RCBTB2: variants seen among roughly 807,000 people sequenced by gnomAD.
RCBTB2 encodes the protein RCC1 and BTB domain containing protein 2, also known as RCC1 and BTB domain-containing protein 2.
A neutral mutation model predicts 65.4 loss-of-function variants in RCBTB2; 55 were observed. The observed-to-expected ratio is 0.84, with a 90% CI of 0.68 to 1.05. RCBTB2 has a LOEUF of 1.05. RCBTB2 is among the 50% of genes least tolerant of loss of function. The pLI is 0.00. For missense variants in RCBTB2, 599 were observed against 680.1 expected, an observed-to-expected ratio of 0.88 and a Z score of 1.33; for synonymous variants, 220 against 255.2, an observed-to-expected ratio of 0.86 and a Z score of 1.31.
rs776265220 is a variant in RCBTB2, at chr13:48,499,628, C to T, written c.1377G>A (p.Glu459=). ...YTDSISLSPE[E]AVGLLDLATF... is the part of the protein sequence containing the mutation. ...GAAGTCTTTGGCAATTACCTACTGC[C>T]TCCTCAGGAGAAAGGCTGATGCTGT... The change falls in exon 13 of 15, where the codon GAG becomes GAA. Residue 459 remains glutamate, a synonymous_variant. Transcript: ENST00000344532. 6.2e-7 allele frequency: 1 copy of T among 1,613,958 alleles called. No individual in the cohort carries two copies. The highest frequency in any genetic ancestry group is 8.5e-7 in the Non-Finnish European group (1 of 1,179,956).
upstream of RCBTB2, among the ~76,000 whole-genome samples, chr13:48,533,531 C>A (rs1006871863): frequency 6.6e-6 from 1 of 152,178 alleles, no homozygotes; most frequent in Non-Finnish European, 1.5e-5. Context: ...CCGATCACTT[C>A]ACGTTTTCAC....
intron 3 of RCBTB2, 87 bp from the exon 4 acceptor site, chr13:48,522,049 G>T: frequency 8.9e-7 from 1 of 1,127,172 alleles, no homozygotes; most frequent in Non-Finnish European, 1.3e-6. Context: ...TAATTAGCAG[G>T]GAAAATAAGC....
At chr13:48,518,329 A>G in intron 4 of RCBTB2, among the ~76,000 whole-genome samples, 1 of 151,890 alleles carries the variant, frequency 6.6e-6, no homozygotes. Flanking sequence ...TGCCACTTGG[A>G]TCATAAGACC....
chr13:48,490,338 C>T (rs1365546525), intron 14 of RCBTB2, 87 bp from the exon 15 acceptor site: 1 of 1,204,664 alleles, frequency 8.3e-7, no homozygotes, highest in East Asian at 2.4e-5. Context: ...ACAAGTTAGG[C>T]AAAGAAAAAG....
At chr13:48,517,821 C>T (rs1951177039) in intron 4 of RCBTB2, among the ~76,000 whole-genome samples, 1 of 152,120 alleles carries the variant, frequency 6.6e-6, no homozygotes, top group Non-Finnish European at 1.5e-5. Context: ...TCCAAATCCA[C>T]CTAGAACCTC....
At chr13:48,502,605 C>A in intron 11 of RCBTB2, 119 bp downstream of exon 11, 1 of 977,194 alleles carries the variant, frequency 1.0e-6, no homozygotes. Context: ...TTGTAGAAGC[C>A]CATCAGAGAG....
At chr13:48,508,522 GC>G (rs1950617319) in intron 10 of RCBTB2, among the ~76,000 whole-genome samples, 1 of 151,686 alleles carries the variant, frequency 6.6e-6, no homozygotes, top group African/African-American at 2.4e-5. Flanking sequence ...TCGTGCCTCA[GC>G]CTCCCAAGTA....
At chr13:48,498,789 CA>C (rs1950091836) in intron 13 of RCBTB2, among the ~76,000 whole-genome samples, 1 of 151,994 alleles carries the variant, frequency 6.6e-6, no homozygotes, top group African/African-American at 2.4e-5. Context: ...CTTTGACTTT[CA>C]AAGTCCAGAG....
At chr13:48,526,075 A>C (rs1328202267) in intron 1 of RCBTB2, among the ~76,000 whole-genome samples, 1 of 152,190 alleles carries the variant, frequency 6.6e-6, no homozygotes, top group Non-Finnish European at 1.5e-5. Context: ...AGCTTAAATT[A>C]ATCATCTCAG....
At chr13:48,532,338 C>T (rs1166747222) in intron 1 of RCBTB2, 2 of 152,372 alleles carry the variant, frequency 1.3e-5, no homozygotes, top group Non-Finnish European at 2.9e-5. Flanking sequence ...CTTCGCCTAA[C>T]AAAGTCAAAC....
chr13:48,505,739 A>G (rs1256721268), intron 10 of RCBTB2, among the ~76,000 whole-genome samples: 1 of 151,958 alleles, frequency 6.6e-6, no homozygotes, highest in Non-Finnish European at 1.5e-5. Context: ...AATTCTTATA[A>G]TCAGCTTTAC....
intron 9 of RCBTB2, 68 bp downstream of exon 9, chr13:48,511,702 T>C: frequency 7.5e-7 from 1 of 1,339,770 alleles, no homozygotes; most frequent in East Asian, 2.4e-5. Context: ...ATCTATGTTT[T>C]TAATACATTG....
Position 48,490,026 on chromosome 13 carries a change from A to T in RCBTB2, c.*85T>A. ...TACTCAGCCAAACATAGCTCATCATACATACTATTAATTAAAGAGAAGTGA... is the reference window on the plus strand; with the variant it reads ...TACTCAGCCAAACATAGCTCATCATTCATACTATTAATTAAAGAGAAGTGA... On this transcript the variant is annotated 3_prime_UTR_variant, in exon 15 of 15. Coordinates refer to ENST00000344532, the MANE Select transcript of RCBTB2 (RefSeq NM_001268.4). 2 of 1,424,134 alleles carry T rather than the reference A, an allele frequency of 1.4e-6. No individual in the cohort carries two copies. The highest frequency in any genetic ancestry group is 2.0e-6 in the Non-Finnish European group (2 of 1,010,554). The allele number at this position is 1,424,134 out of a possible 1,614,324, so 88.2% of individuals were successfully genotyped here.
At chr13:48,508,131 T>C (rs1183147852) in intron 10 of RCBTB2, among the ~76,000 whole-genome samples, 1 of 152,162 alleles carries the variant, frequency 6.6e-6, no homozygotes, top group Non-Finnish European at 1.5e-5. Context: ...TTCAATCCAG[T>C]TCCTAATTAG....
chr13:48,527,320 C>CAT (rs72194233), intron 1 of RCBTB2, among the ~76,000 whole-genome samples: 6,777 of 77,678 alleles, frequency 0.087, 633 homozygotes, highest in African/African-American at 0.28. Context: ...TGACTTGGCT[C>CAT]ATATATATAT....
upstream of RCBTB2, chr13:48,533,135 G>T (rs959938290): frequency 2.5e-6 from 1 of 405,118 alleles, no homozygotes; most frequent in African/African-American, 2.1e-5. Context: ...AAACGGCCCG[G>T]CCTCGGCGGG....
chr13:48,513,004 A>G, intron 6 of RCBTB2, 109 bp from the exon 7 acceptor site: 1 of 893,482 alleles, frequency 1.1e-6, no homozygotes, highest in Non-Finnish European at 1.7e-6. Context: ...AGGTGCAAAA[A>G]GCTAATCAAC....
In RCBTB2 at chr13:48,499,111, A is replaced by AACACACACAC. The variant is rs142443945; in HGVS notation, c.1384+500_1384+509dup. Among the ~76,000 whole-genome samples the AACACACACAC allele has an allele frequency of 8.0e-3, 845 of 105,820 alleles. 14 individuals are homozygous for AACACACACAC. The highest frequency in any genetic ancestry group is 0.033 in the African/African-American group (761 of 23,092). 69.4% of individuals were successfully genotyped at this position (105,820 alleles called of 152,430 possible). A position where few individuals can be genotyped will look rare whatever the true frequency, so the allele number is the denominator to read the frequency against. The stretch of plus-strand genomic sequence containing the variant: ...TTGCCTCTCTCCCGACCCCCACCCC[A>AACACACACAC]ACACACACACACACACACACACACA... On this transcript the variant is annotated intron_variant, in intron 13 of 14. Transcript: ENST00000344532.
In RCBTB2 at chr13:48,489,960, C is replaced by T; in HGVS notation, c.*151G>A. Reference sequence around the variant, plus strand: ...TACATAAACTCTGGGTTTAGGCAGACAAAGACCACTCACCACCATCCTTCT... The same window carrying T: ...TACATAAACTCTGGGTTTAGGCAGATAAAGACCACTCACCACCATCCTTCT... On this transcript the variant is annotated 3_prime_UTR_variant, in exon 15 of 15. Transcript: ENST00000344532. 1 of 830,044 alleles carries T rather than the reference C, an allele frequency of 1.2e-6. No homozygotes were observed. Among genetic ancestry groups the T allele is most frequent in the Non-Finnish European group, 2.0e-6 (1 of 510,098 alleles). 51.4% of individuals were successfully genotyped at this position (830,044 alleles called of 1,614,324 possible). A position where few individuals can be genotyped will look rare whatever the true frequency, so the allele number is the denominator to read the frequency against.
Sources: allele counts gnomAD v4.1 joint callset (sites outside exome capture counted in the v4.1 genomes callset), GRCh38; gene constraint gnomAD v4.1.1; transcripts MANE v1.5; gene names NCBI Gene and HGNC (gene_info 2026-07-23, HGNC 2026-07-21).